GLIS3: variants seen among roughly 807,000 people sequenced by gnomAD.
GLIS3 encodes the protein zinc finger protein GLIS3.
A neutral mutation model predicts 78.6 loss-of-function variants in GLIS3; 53 were observed. The ratio of observed to expected loss-of-function variants is 0.67; its 90% CI spans 0.54 to 0.85. The LOEUF (loss-of-function observed/expected upper bound fraction) is 0.85. GLIS3 is among the 40% of genes least tolerant of loss of function. The pLI, the probability that GLIS3 is intolerant of heterozygous loss-of-function variation, is 0.00. For synonymous variants in GLIS3, 684 were observed against 509.9 expected (o/e 1.34, Z -4.60); for missense variants, 1,703 against 1,231.1 (o/e 1.38, Z -5.74).
chr9:4,094,202 A>C (rs646827), intron 4 of GLIS3, among the ~76,000 whole-genome samples: 46,899 of 152,116 alleles, frequency 0.31, 8,089 homozygotes, highest in African/African-American at 0.47. Flanking sequence ...TGAGGAAAAC[A>C]AGCTGGGTCA....
At chr9:4,453,492 C>A in the GLIS3 span, among the ~76,000 whole-genome samples, 1 of 151,628 alleles carries the variant, frequency 6.6e-6, no homozygotes, top group East Asian at 1.9e-4. Flanking sequence ...AAGAAAAAAA[C>A]AACCCCATCA....
chr9:3,879,630 C>G (rs750457057), intron 7 of GLIS3, 35 bp from the exon 8 acceptor site: 30 of 1,611,836 alleles, frequency 1.9e-5, no homozygotes, highest in Non-Finnish European at 2.5e-5. Flanking sequence ...GAGACCGTGC[C>G]CCAAAGGAAG....
At chr9:4,129,216 T>C (rs1012476286) in intron 2 of GLIS3, among the ~76,000 whole-genome samples, 1 of 152,314 alleles carries the variant, frequency 6.6e-6, no homozygotes, top group South Asian at 2.1e-4. Context: ...TCTTGGAGTG[T>C]GGGCTCTGGA....
At chr9:4,458,256 G>C in the GLIS3 span, among the ~76,000 whole-genome samples, 1 of 152,136 alleles carries the variant, frequency 6.6e-6, no homozygotes, top group African/African-American at 2.4e-5. Context: ...ATCAGCTATC[G>C]TTTTGGGGCC....
intron 4 of GLIS3, among the ~76,000 whole-genome samples, chr9:4,060,236 C>CTATT (rs1249190045): frequency 6.6e-6 from 1 of 152,198 alleles, no homozygotes; most frequent in Admixed American, 6.5e-5. Flanking sequence ...GACTAACTGC[C>CTATT]TATTTAATGG....
chr9:3,845,109 G>T (rs1306514965), intron 9 of GLIS3, among the ~76,000 whole-genome samples: 1 of 151,752 alleles, frequency 6.6e-6, no homozygotes, highest in African/African-American at 2.4e-5. Flanking sequence ...ATATAAACAT[G>T]CATATATATA....
the GLIS3 span, among the ~76,000 whole-genome samples, chr9:4,486,637 C>T: frequency 1.3e-5 from 2 of 152,136 alleles, no homozygotes; most frequent in African/African-American, 2.4e-5. Flanking sequence ...AATAAATCTG[C>T]CTGTCAGTGA....
intron 7 of GLIS3, among the ~76,000 whole-genome samples, chr9:3,879,911 G>T (rs1588142142): frequency 1.3e-5 from 2 of 152,094 alleles, no homozygotes; most frequent in East Asian, 3.9e-4. Context: ...CTGTGCCAAG[G>T]TCTCTGTATT....
intron 4 of GLIS3, among the ~76,000 whole-genome samples, chr9:4,084,843 A>G (rs10283708): frequency 0.12 from 18,889 of 151,970 alleles, 1,245 homozygotes; most frequent in Non-Finnish European, 0.14. Flanking sequence ...ATCTCAATCC[A>G]TGCACAGGAA....
the GLIS3 span, among the ~76,000 whole-genome samples, chr9:4,405,287 G>C: frequency 0.014 from 2,064 of 151,946 alleles, 50 homozygotes; most frequent in African/African-American, 0.047. Context: ...CCAGGCGGCA[G>C]AGGTTGTGGG....
At chr9:3,909,696 G>T (rs1043653740) in intron 6 of GLIS3, among the ~76,000 whole-genome samples, 1 of 152,090 alleles carries the variant, frequency 6.6e-6, no homozygotes, top group Admixed American at 6.5e-5. Context: ...CAAAACTAAT[G>T]ATTATTTAGT....
chr9:3,881,797 G>T (rs537861581), intron 7 of GLIS3, among the ~76,000 whole-genome samples: 1 of 152,250 alleles, frequency 6.6e-6, no homozygotes, highest in South Asian at 2.1e-4. Flanking sequence ...TTAATGAAGG[G>T]AGCAGACCTC....
chr9:3,910,614 G>T (rs796909460), intron 6 of GLIS3, among the ~76,000 whole-genome samples: 3 of 152,280 alleles, frequency 2.0e-5, no homozygotes, highest in South Asian at 2.1e-4. Flanking sequence ...GCTTCCCAAG[G>T]TGCTGAGATT....
intron 8 of GLIS3, among the ~76,000 whole-genome samples, chr9:3,876,301 A>C (rs1821302435): frequency 9.1e-6 from 1 of 109,442 alleles, no homozygotes; most frequent in Non-Finnish European, 2.0e-5. Context: ...ACTTCATTAG[A>C]GTCAAGAAGA....
intron 7 of GLIS3, among the ~76,000 whole-genome samples, chr9:3,883,964 GC>G (rs1328509342): frequency 6.6e-6 from 1 of 152,180 alleles, no homozygotes; most frequent in African/African-American, 2.4e-5. Flanking sequence ...TTTCTTAGTG[GC>G]CTGGCTCACT....
At position 4,335,715 on chromosome 9, in the gene GLIS3, C is replaced by A. The variant is rs189134131; in HGVS notation, n.264+11366G>T. Among the ~76,000 whole-genome samples, 400 of 152,238 alleles carry A rather than the reference C, an allele frequency of 2.6e-3. 3 individuals are homozygous for A. Among genetic ancestry groups the A allele is most frequent in the Non-Finnish European group, 2.9e-3 (200 of 68,026 alleles). ...CTGAAACATCAGGATCTATTTAGAC[C>A]TCTCTTAGAGGCATCCATCCCTTTC... On this transcript the variant is annotated intron_variant and non_coding_transcript_variant, in intron 2 of 4. Coordinates refer to the GLIS3 transcript ENST00000471664.
chr9:4,403,865 C>A, the GLIS3 span, among the ~76,000 whole-genome samples: 1 of 151,946 alleles, frequency 6.6e-6, no homozygotes, highest in African/African-American at 2.4e-5. Context: ...AGGAGTAAGT[C>A]CCTACTTATC....
At chr9:4,396,081 T>C in the GLIS3 span, among the ~76,000 whole-genome samples, 15 of 151,996 alleles carry the variant, frequency 9.9e-5, 1 homozygote, top group South Asian at 3.1e-3. Context: ...CTGGTCACCA[T>C]TTTCTATTGA....
In GLIS3 at chr9:3,892,071, G is replaced by A. The variant is rs1408160148; in HGVS notation, c.2128+6620C>T. Among the ~76,000 whole-genome samples the A allele has an allele frequency of 2.0e-5, 3 of 152,120 alleles. No homozygotes were observed. The East Asian group carries it at 5.8e-4, about 29-fold the overall frequency. On this transcript the variant is annotated intron_variant, in intron 7 of 10. Transcript: ENST00000381971. ...AGCTTACAGACCCCTCACTTCTTAA[G>A]GTAGGACTAGGTGTTAGTAGAAACG...
Sources: allele counts gnomAD v4.1 joint callset (sites outside exome capture counted in the v4.1 genomes callset), GRCh38; gene constraint gnomAD v4.1.1; transcripts MANE v1.5; gene names NCBI Gene and HGNC (gene_info 2026-07-23, HGNC 2026-07-21).